Variants in ACSS3 observed in about 807,000 individuals in gnomAD.
ACSS3 encodes the protein acyl-CoA synthetase short chain family member 3.
ACSS3 carries 64 observed loss-of-function variants against 84.2 expected under a neutral mutation model. The observed-to-expected ratio is 0.76, with a 90% CI of 0.62 to 0.94. The LOEUF is 0.94. Ranked by LOEUF, ACSS3 falls within the 40% of genes least tolerant of loss-of-function variation. The pLI is 0.00. For synonymous variants in ACSS3, 317 were observed against 310.1 expected (o/e 1.02, Z -0.23); for missense variants, 815 against 867.6 (o/e 0.94, Z 0.76).
intron 11 of ACSS3, among the ~76,000 whole-genome samples, chr12:81,221,357 T>C (rs546497588): frequency 6.6e-6 from 1 of 152,192 alleles, no homozygotes; most frequent in Non-Finnish European, 1.5e-5. Flanking sequence ...TTTATTTCTA[T>C]TGGAAGTCAA....
rs973108578 is a variant in ACSS3 at position 81,259,281 on chromosome 12, A to G, written c.*4359A>G. The G allele has an allele frequency of 1.1e-4, 39 of 352,126 alleles. No homozygotes were observed. The highest frequency in any genetic ancestry group is 1.8e-4 in the Non-Finnish European group (34 of 186,566). 21.8% of individuals were successfully genotyped at this position (352,126 alleles called of 1,614,324 possible). On this transcript the variant is annotated 3_prime_UTR_variant, in exon 16 of 16. Coordinates refer to ENST00000548058, the MANE Select transcript of ACSS3 (RefSeq NM_024560.4). ...GCACTCGAGACTCCATGAACCATAT[A>G]TTTTATTTTTTAAAAAATCATATTT...
chr12:81,100,988 C>T (rs1258668569), intron 1 of ACSS3, among the ~76,000 whole-genome samples: 1 of 152,130 alleles, frequency 6.6e-6, no homozygotes, highest in African/African-American at 2.4e-5. Context: ...TGATAGACAG[C>T]AGGAATGATG....
Position 81,092,871 on chromosome 12 carries a change from T to G in ACSS3, c.311+14440T>G, listed in dbSNP as rs557344597. Among the ~76,000 whole-genome samples the G allele has an allele frequency of 1.6e-4, 24 of 152,310 alleles. 1 individual carries two copies. The South Asian group carries it at 4.8e-3, about 30-fold the overall frequency. On this transcript the variant is annotated intron_variant, in intron 1 of 15. Coordinates refer to ENST00000548058, the MANE Select transcript of ACSS3 (RefSeq NM_024560.4). ...ACTTCGTAACATTGTTCTCAGATTA[T>G]TTTGAGTATAAGGCTAGGAAAAAAA...
chr12:81,223,994 C>A (rs2033192568), intron 11 of ACSS3, among the ~76,000 whole-genome samples: 1 of 151,982 alleles, frequency 6.6e-6, no homozygotes, highest in Admixed American at 6.6e-5. Flanking sequence ...TCTAATGCTT[C>A]CCTTCCCACA....
chr12:81,214,517 C>G (rs530555126), intron 9 of ACSS3, among the ~76,000 whole-genome samples: 1 of 152,098 alleles, frequency 6.6e-6, no homozygotes, highest in African/African-American at 2.4e-5. Flanking sequence ...TAATAGTTGT[C>G]TTATAATCAT....
chr12:81,211,951 T>C (rs987085128), intron 9 of ACSS3, among the ~76,000 whole-genome samples: 2 of 152,208 alleles, frequency 1.3e-5, no homozygotes, highest in Non-Finnish European at 2.9e-5. Context: ...ACTCTAGGTA[T>C]GAACCGACCT....
At chr12:81,087,277 T>C (rs894073699) in intron 1 of ACSS3, among the ~76,000 whole-genome samples, 33 of 152,160 alleles carry the variant, frequency 2.2e-4, no homozygotes, top group African/African-American at 8.0e-4. Flanking sequence ...GAATACCTTC[T>C]CTTAAGGTGT....
At chr12:81,247,399 A>T (rs1371170627) in intron 13 of ACSS3, among the ~76,000 whole-genome samples, 2 of 152,134 alleles carry the variant, frequency 1.3e-5, no homozygotes, top group African/African-American at 4.8e-5. Context: ...TAATGCTTCT[A>T]CTGAAATCCT....
intron 9 of ACSS3, among the ~76,000 whole-genome samples, chr12:81,212,362 T>C (rs2032628363): frequency 6.6e-6 from 1 of 152,200 alleles, no homozygotes; most frequent in Admixed American, 6.5e-5. Context: ...CCAGTAATGC[T>C]ATTTGCAAGT....
Position 81,152,047 on chromosome 12 carries a change from A to G in ACSS3, c.1049A>G (p.Tyr350Cys), listed in dbSNP as rs757224536. 2.5e-6 allele frequency: 4 copies of G among 1,613,582 alleles called. No homozygotes were observed. Among genetic ancestry groups the G allele is most frequent in the Non-Finnish European group, 3.4e-6 (4 of 1,179,820 alleles). Reference protein sequence around the residue: ...SDLGWVVGHSYICYGPLLHGN... With the variant: ...SDLGWVVGHSCICYGPLLHGN... ...TTAGGCTGGGTTGTTGGACATTCCT[A>G]TATCTGCTATGGACCTCTTCTTCAT... The change falls in exon 7 of 16, where the codon TAT (tyrosine) becomes TGT (cysteine). Residue 350 changes from tyrosine to cysteine, a missense_variant. Physicochemically the swap from Tyr to Cys is radical, Grantham distance 194 (BLOSUM62 -2). Coordinates refer to ENST00000548058, the MANE Select transcript of ACSS3 (RefSeq NM_024560.4).
chr12:81,243,546 C>T (rs997182678), intron 13 of ACSS3, among the ~76,000 whole-genome samples: 6 of 152,136 alleles, frequency 3.9e-5, no homozygotes, highest in Admixed American at 1.3e-4. Context: ...GAGCCTGCAT[C>T]GTCAAGTCAA....
chr12:81,127,730 G>A (rs1246107955), intron 2 of ACSS3, among the ~76,000 whole-genome samples: 5 of 152,112 alleles, frequency 3.3e-5, no homozygotes, highest in African/African-American at 1.2e-4. Context: ...CTTTGATGTG[G>A]TTTTGAAGTT....
At chr12:81,081,984 C>T (rs931700575) in intron 1 of ACSS3, among the ~76,000 whole-genome samples, 1 of 152,116 alleles carries the variant, frequency 6.6e-6, no homozygotes, top group Non-Finnish European at 1.5e-5. Flanking sequence ...ACTGCATGTA[C>T]AGTACAGAGA....
intron 13 of ACSS3, among the ~76,000 whole-genome samples, chr12:81,247,800 T>C (rs1334304579): frequency 6.6e-6 from 1 of 152,084 alleles, no homozygotes; most frequent in Non-Finnish European, 1.5e-5. Context: ...TATCCAGCTC[T>C]TATTAAAGTG....
At chr12:81,129,307 T>TA (rs1565994166) in intron 2 of ACSS3, among the ~76,000 whole-genome samples, 1 of 148,252 alleles carries the variant, frequency 6.7e-6, no homozygotes, top group Admixed American at 7.0e-5. Context: ...AAATAAGAGG[T>TA]AAAAAATATA....
rs150873068 is a variant in ACSS3 at position 81,252,602 on chromosome 12, C to CAT, written c.1720-690_1720-689dup. Among the ~76,000 whole-genome samples, 648 of 148,986 alleles carry CAT rather than the reference C, an allele frequency of 4.3e-3. 4 individuals carry two copies. The highest frequency in any genetic ancestry group is 0.014 in the East Asian group (69 of 5,108). ...TATGCATTTTTAAAAGTCCCGTCAC[C>CAT]ATATATATATATATATTAACCCTAA... On this transcript the variant is annotated intron_variant, in intron 13 of 15. Coordinates refer to ENST00000548058, the MANE Select transcript of ACSS3 (RefSeq NM_024560.4).
intron 13 of ACSS3, among the ~76,000 whole-genome samples, chr12:81,233,797 G>A (rs2033543408): frequency 2.0e-5 from 3 of 151,558 alleles, no homozygotes; most frequent in Admixed American, 2.0e-4. Context: ...CATCAGGTTT[G>A]CACATGGTCT....
chr12:81,161,174 T>C (rs1210199849), intron 7 of ACSS3, among the ~76,000 whole-genome samples: 1 of 152,250 alleles, frequency 6.6e-6, no homozygotes, highest in African/African-American at 2.4e-5. Flanking sequence ...CTCATAACAT[T>C]GAAGAATTCA....
chr12:81,205,569 C>T (rs2032310546), intron 9 of ACSS3, among the ~76,000 whole-genome samples: 1 of 152,038 alleles, frequency 6.6e-6, no homozygotes, highest in African/African-American at 2.4e-5. Flanking sequence ...CTCATTCCTC[C>T]TAAGTAAACA....
Sources: gnomAD v4.1 joint callset for allele counts (sites outside exome capture counted in the v4.1 genomes callset) on GRCh38, gnomAD v4.1.1 for gene constraint, MANE v1.5 for transcripts, NCBI Gene and HGNC (gene_info 2026-07-23, HGNC 2026-07-21) for gene names.